Variants in DOCK8 observed in about 807,000 individuals in gnomAD.
DOCK8 encodes dedicator of cytokinesis protein 8.
In DOCK8, 141 loss-of-function variants were observed where a neutral mutation model predicts 245.6. The ratio of observed to expected loss-of-function variants is 0.57; its 90% CI spans 0.50 to 0.66. DOCK8 has a LOEUF of 0.66. Ranked by LOEUF, DOCK8 falls within the 30% of genes least tolerant of loss-of-function variation. The probability of loss-of-function intolerance (pLI) is 0.00; values close to 1 mark genes in which losing one functional copy is unlikely to be tolerated. For synonymous variants in DOCK8, 1,168 were observed against 970.2 expected (o/e 1.20, Z -3.79); for missense variants, 2,965 against 2,603.4 (o/e 1.14, Z -3.02).
chr9:244,543 G>A (rs185631776), intron 1 of DOCK8, among the ~76,000 whole-genome samples: 88 of 152,048 alleles, frequency 5.8e-4, no homozygotes, highest in African/African-American at 1.9e-3. Flanking sequence ...AATGTCTCCC[G>A]CAACCTGCCC....
In DOCK8 at chr9:368,289, T is replaced by C. The variant is rs12115599; in HGVS notation, c.1797+154T>C. ...AGGGCTTCTGTGCCCAGGATATCAG[T>C]GGGGAAACAGGGTCAGTCTTACTTG... On this transcript the variant is annotated intron_variant, in intron 15 of 47. Transcript: ENST00000432829. 0.061 allele frequency: 47,578 copies of C among 782,178 alleles called. 4,395 individuals carry two copies. Among genetic ancestry groups the C allele is most frequent in the African/African-American group, 0.36 (21,039 of 58,804 alleles). The allele number at this position is 782,178 out of a possible 1,614,324, so 48.5% of individuals were successfully genotyped here.
chr9:216,580 C>T (rs1304722823), intron 1 of DOCK8, among the ~76,000 whole-genome samples: 1 of 142,178 alleles, frequency 7.0e-6, no homozygotes, highest in African/African-American at 2.6e-5. Context: ...TGAAGTATAT[C>T]AGGGATCTCC....
At chr9:278,257 A>G (rs1323501787) in intron 2 of DOCK8, among the ~76,000 whole-genome samples, 2 of 152,264 alleles carry the variant, frequency 1.3e-5, no homozygotes, top group Non-Finnish European at 2.9e-5. Flanking sequence ...TAGTGGCATC[A>G]GTGCTAGATT....
intron 6 of DOCK8, chr9:312,613 G>A (rs545213781): frequency 7.2e-5 from 26 of 360,698 alleles, no homozygotes; most frequent in African/African-American, 4.5e-4. Flanking sequence ...AGAGAGACCT[G>A]CTTTGAAAAC....
intron 4 of DOCK8, among the ~76,000 whole-genome samples, chr9:292,621 A>G (rs902723710): frequency 6.1e-5 from 9 of 146,482 alleles, no homozygotes; most frequent in Non-Finnish European, 8.9e-5. Flanking sequence ...CTATTAATGT[A>G]TTTGTCTAGT....
chr9:230,587 G>A (rs561067164), intron 1 of DOCK8, among the ~76,000 whole-genome samples: 96 of 151,970 alleles, frequency 6.3e-4, no homozygotes, highest in Non-Finnish European at 1.2e-3. Flanking sequence ...TTTAATGATC[G>A]CCATTCTAAC....
chr9:300,576 A>G (rs1175961177), intron 4 of DOCK8, among the ~76,000 whole-genome samples: 1 of 152,142 alleles, frequency 6.6e-6, no homozygotes, highest in East Asian at 1.9e-4. Flanking sequence ...AAAAAAAAAC[A>G]AGGTTGATAG....
chr9:238,749 A>G (rs1472932767), intron 1 of DOCK8, among the ~76,000 whole-genome samples: 1 of 152,202 alleles, frequency 6.6e-6, no homozygotes, highest in Non-Finnish European at 1.5e-5. Flanking sequence ...TAAAGACCAA[A>G]AGACTCCTAA....
At chr9:415,021 C>T in intron 29 of DOCK8, 70 bp downstream of exon 29, 1 of 1,572,816 alleles carries the variant, frequency 6.4e-7, no homozygotes, top group East Asian at 2.2e-5. Context: ...CGAATGAGAT[C>T]TCTGTCATTC....
intron 30 of DOCK8, chr9:419,976 T>C (rs1457697253): frequency 3.8e-6 from 1 of 265,394 alleles, no homozygotes; most frequent in Non-Finnish European, 7.4e-6. Flanking sequence ...ACCCAGCCAG[T>C]TTCCTTCTCC....
At chr9:232,210 G>T (rs1366340940) in intron 1 of DOCK8, among the ~76,000 whole-genome samples, 1 of 152,096 alleles carries the variant, frequency 6.6e-6, no homozygotes, top group East Asian at 1.9e-4. Flanking sequence ...ATTGATTTGT[G>T]TATGTTGAAC....
intron 4 of DOCK8, among the ~76,000 whole-genome samples, chr9:290,215 T>C (rs190698258): frequency 6.6e-6 from 1 of 152,276 alleles, no homozygotes; most frequent in African/African-American, 2.4e-5. Flanking sequence ...GAGCCCAGGA[T>C]GGCTTTGAAT....
intron 1 of DOCK8, among the ~76,000 whole-genome samples, chr9:236,434 G>A (rs2047251424): frequency 6.6e-6 from 1 of 152,266 alleles, no homozygotes; most frequent in African/African-American, 2.4e-5. Flanking sequence ...AACAAAACTA[G>A]GGTTGAGTTA....
At chr9:274,519 T>C (rs933447532) in intron 2 of DOCK8, among the ~76,000 whole-genome samples, 1 of 150,476 alleles carries the variant, frequency 6.6e-6, no homozygotes, top group Non-Finnish European at 1.5e-5. Context: ...AATAGTCTGC[T>C]TAGGAAATCC....
At chr9:274,726 G>T (rs772911050) in intron 2 of DOCK8, among the ~76,000 whole-genome samples, 17 of 152,106 alleles carry the variant, frequency 1.1e-4, no homozygotes, top group Non-Finnish European at 1.3e-4. Flanking sequence ...TTTCTAGGAA[G>T]GCAAAGGAGT....
intron 33 of DOCK8, among the ~76,000 whole-genome samples, chr9:424,124 G>A (rs535025292): frequency 6.6e-6 from 1 of 151,314 alleles, no homozygotes; most frequent in Admixed American, 6.6e-5. Flanking sequence ...CTACCTACCT[G>A]GAAAATTTAT....
chr9:454,702 T>G (rs914139682), intron 46 of DOCK8: 1 of 152,244 alleles, frequency 6.6e-6, no homozygotes, highest in Non-Finnish European at 1.5e-5. Context: ...AGGAGAGTGA[T>G]TTTCATTTAC....
At chr9:449,759 C>A (rs777246350) in intron 44 of DOCK8, 25 bp from the exon 45 acceptor site, 47 of 1,612,154 alleles carry the variant, frequency 2.9e-5, no homozygotes, top group Non-Finnish European at 4.0e-5. Flanking sequence ...ACAGTGACTT[C>A]CCTATGTTTA....
chr9:262,031 G>GAAAGAAAGAAAGAAAGAAAGAAAGAA (rs149265145), intron 1 of DOCK8, among the ~76,000 whole-genome samples: 16 of 146,208 alleles, frequency 1.1e-4, no homozygotes, highest in South Asian at 2.2e-4. Flanking sequence ...AAGAAAGAAA[G>GAAAGAAAGAAAGAAAGAAAGAAAGAA]AAAGACACCG....
Sources: allele counts gnomAD v4.1 joint callset (sites outside exome capture counted in the v4.1 genomes callset), GRCh38; gene constraint gnomAD v4.1.1; transcripts MANE v1.5; gene names NCBI Gene and HGNC (gene_info 2026-07-23, HGNC 2026-07-21).